PRKAR2B: variants seen among roughly 807,000 people sequenced by gnomAD.
PRKAR2B encodes the protein protein kinase cAMP-dependent type II regulatory subunit beta, also known as cAMP-dependent protein kinase type II-beta regulatory subunit.
PRKAR2B carries 14 observed loss-of-function variants against 49.9 expected under a neutral mutation model. That is an observed-to-expected ratio of 0.28 (90% CI 0.19 to 0.44). The LOEUF (loss-of-function observed/expected upper bound fraction) is 0.44, where lower values mean the gene tolerates loss of function less well. PRKAR2B is among the 20% of genes least tolerant of loss of function. PRKAR2B has a pLI of 1.00. For synonymous variants in PRKAR2B, 196 were observed against 197.7 expected (o/e 0.99, Z 0.07); for missense variants, 393 against 537.9 (o/e 0.73, Z 2.67).
At position 107,063,474 on chromosome 7, in the gene PRKAR2B, G is replaced by T. The variant is rs1039586561; in HGVS notation, c.308-6807G>T. Among the ~76,000 whole-genome samples, 3 of 152,168 alleles carry T rather than the reference G, an allele frequency of 2.0e-5. No individual in the cohort carries two copies. In the East Asian group the frequency reaches 5.8e-4, roughly 29 times the overall value. The stretch of plus-strand genomic sequence containing the variant: ...TGGAGCTTATAATGTAGCGAAGGAG[G>T]AGACAGACAATAAACATAAAACAGG... On this transcript the variant is annotated intron_variant, in intron 1 of 10. Transcript: ENST00000265717.
chr7:107,128,200 A>G lies in PRKAR2B; in HGVS notation c.397-12A>G. Reference sequence around the variant, plus strand: ...CTAATGTCTTTGTTTTTTAAATCTGATGTCCTTTTAGATTATACATCCAAA... The same window carrying G: ...CTAATGTCTTTGTTTTTTAAATCTGGTGTCCTTTTAGATTATACATCCAAA... On this transcript the variant is annotated splice_polypyrimidine_tract_variant and intron_variant, in intron 3 of 10. Coordinates refer to ENST00000265717, the MANE Select transcript of PRKAR2B (RefSeq NM_002736.3). 1.3e-6 allele frequency: 2 copies of G among 1,579,362 alleles called. No individual in the cohort carries two copies. Among genetic ancestry groups the G allele is most frequent in the Non-Finnish European group, 1.7e-6 (2 of 1,150,478 alleles).
intron 2 of PRKAR2B, among the ~76,000 whole-genome samples, chr7:107,097,103 A>G (rs141734608): frequency 0.09 from 13,649 of 152,170 alleles, 669 homozygotes; most frequent in Middle Eastern, 0.17. Context: ...TAATGTTGAC[A>G]GTGGGGTGTT....
chr7:107,115,697 C>T (rs939227416), intron 2 of PRKAR2B, among the ~76,000 whole-genome samples: 5 of 152,056 alleles, frequency 3.3e-5, no homozygotes, highest in African/African-American at 9.7e-5. Context: ...AGAGAAACAC[C>T]TTGTGTTGGG....
chr7:107,112,458 C>CA (rs949875603), intron 2 of PRKAR2B, among the ~76,000 whole-genome samples: 2 of 151,838 alleles, frequency 1.3e-5, no homozygotes, highest in South Asian at 4.2e-4. Flanking sequence ...AAATTTCCAA[C>CA]AAAAAAACAC....
At chr7:107,150,648 C>CA (rs1795967281) in intron 6 of PRKAR2B, among the ~76,000 whole-genome samples, 1 of 144,688 alleles carries the variant, frequency 6.9e-6, no homozygotes, top group African/African-American at 2.5e-5. Context: ...CAGAACCCAA[C>CA]ATATTGGTCA....
chr7:107,124,368 A>G (rs548535402), intron 3 of PRKAR2B, among the ~76,000 whole-genome samples: 5 of 152,338 alleles, frequency 3.3e-5, no homozygotes, highest in African/African-American at 9.6e-5. Context: ...GTGGTGAGCA[A>G]ATGGACAAGT....
intron 3 of PRKAR2B, among the ~76,000 whole-genome samples, chr7:107,123,567 C>T (rs561044849): frequency 1.7e-4 from 26 of 152,170 alleles, no homozygotes; most frequent in Non-Finnish European, 2.8e-4. Context: ...TAAGACTTAG[C>T]GTAGTGTCTT....
chr7:107,088,387 A>C (rs1794659716), intron 2 of PRKAR2B, among the ~76,000 whole-genome samples: 1 of 152,144 alleles, frequency 6.6e-6, no homozygotes, highest in Admixed American at 6.6e-5. Flanking sequence ...CCTGGGAAGT[A>C]CAGGGTGGAG....
chr7:107,158,965 G>A (rs1584459285), intron 10 of PRKAR2B, among the ~76,000 whole-genome samples: 1 of 152,230 alleles, frequency 6.6e-6, no homozygotes, highest in Admixed American at 6.5e-5. Context: ...CATTATGTCA[G>A]CTGCCATTTT....
intron 5 of PRKAR2B, among the ~76,000 whole-genome samples, chr7:107,144,364 G>C (rs1459985317): frequency 6.6e-6 from 1 of 152,146 alleles, no homozygotes; most frequent in East Asian, 1.9e-4. Context: ...GGGATTACAG[G>C]CGTGAACCAC....
At chr7:107,076,772 A>G (rs76434589) in intron 2 of PRKAR2B, among the ~76,000 whole-genome samples, 10,192 of 152,302 alleles carry the variant, frequency 0.067, 479 homozygotes, top group Middle Eastern at 0.16. Flanking sequence ...GTAAACTATG[A>G]TGTAGAATAA....
rs1796190458 is a variant in PRKAR2B at position 107,161,157 on chromosome 7, T to C, written c.*1575T>C. 1 of 152,210 alleles carries C rather than the reference T, an allele frequency of 6.6e-6. No homozygotes were observed. The highest frequency in any genetic ancestry group is 6.5e-5 in the Admixed American group (1 of 15,282). 9.4% of individuals were successfully genotyped at this position (152,210 alleles called of 1,614,324 possible). On this transcript the variant is annotated 3_prime_UTR_variant, in exon 11 of 11. Transcript: ENST00000265717. ...TGTAAAGTATAACTTCAGCCACATT[T>C]TTAGAACACTGTTTAACATTTTTGC...
chr7:107,089,310 T>TC (rs1234147360), intron 2 of PRKAR2B, among the ~76,000 whole-genome samples: 4 of 152,232 alleles, frequency 2.6e-5, no homozygotes, highest in Non-Finnish European at 5.9e-5. Flanking sequence ...CTCTCTGAAT[T>TC]CTGCGCTCTT....
chr7:107,111,842 C>T (rs528911595), intron 2 of PRKAR2B, among the ~76,000 whole-genome samples: 22 of 151,714 alleles, frequency 1.5e-4, no homozygotes, highest in Admixed American at 2.0e-4. Flanking sequence ...TTTAGAATTT[C>T]ACCAGTAGTA....
chr7:107,140,722 C>T (rs1795776354), intron 4 of PRKAR2B, 125 bp from the exon 5 acceptor site: 2 of 582,630 alleles, frequency 3.4e-6, no homozygotes, highest in Admixed American at 3.5e-5. Context: ...TTTCTGACAA[C>T]ATTTAGTGGT....
chr7:107,051,762 C>G (rs1462353240), intron 1 of PRKAR2B, among the ~76,000 whole-genome samples: 1 of 152,024 alleles, frequency 6.6e-6, no homozygotes, highest in Non-Finnish European at 1.5e-5. Context: ...AAAAGTCTTT[C>G]CAGTTGCTGC....
At chr7:107,113,958 G>C (rs1795219658) in intron 2 of PRKAR2B, among the ~76,000 whole-genome samples, 1 of 152,126 alleles carries the variant, frequency 6.6e-6, no homozygotes, top group Non-Finnish European at 1.5e-5. Context: ...ATCCTGTTCT[G>C]GACTCATCCT....
At chr7:107,108,252 C>G (rs1795113766) in intron 2 of PRKAR2B, among the ~76,000 whole-genome samples, 1 of 152,140 alleles carries the variant, frequency 6.6e-6, no homozygotes, top group Non-Finnish European at 1.5e-5. Context: ...CAGAGGACTT[C>G]TGAAAATTAC....
intron 6 of PRKAR2B, among the ~76,000 whole-genome samples, chr7:107,148,545 A>G (rs1009008478): frequency 6.6e-6 from 1 of 152,226 alleles, no homozygotes; most frequent in Non-Finnish European, 1.5e-5. Flanking sequence ...TCCTCCTGAC[A>G]TATAATAGCT....
Sources: gnomAD v4.1 joint callset for allele counts (sites outside exome capture counted in the v4.1 genomes callset) on GRCh38, gnomAD v4.1.1 for gene constraint, MANE v1.5 for transcripts, NCBI Gene and HGNC (gene_info 2026-07-23, HGNC 2026-07-21) for gene names.